Variants in HTR4 observed in about 807,000 individuals in gnomAD.
The protein encoded by HTR4 is 5-hydroxytryptamine (serotonin) receptor 4, G protein-coupled.
HTR4 carries 16 observed loss-of-function variants against 36.8 expected under a neutral mutation model. The observed-to-expected ratio is 0.43, with a 90% confidence interval of 0.29 to 0.66. The LOEUF is 0.66. Among genes scored for constraint, HTR4 ranks in the 30% least tolerant of loss-of-function variants. The pLI is 0.13. For synonymous variants in HTR4, 189 were observed against 185.1 expected (o/e 1.02, Z -0.17); for missense variants, 438 against 490.9 (o/e 0.89, Z 1.02).
Position 148,509,833 on chromosome 5 carries a change from T to C in HTR4, c.699A>G (p.Gly233=), listed in dbSNP as rs1302633332. ...AHQIQMLQRA[G]ASSESRPQSA... ...ACTGAGGCCTGCTCTCGGAGGAGGC[T>C]CCTGCCCGTTGTAACATCTGGATCT... Residue 233 remains glycine (G), a synonymous_variant, in exon 6 of 7, where the codon GGA becomes GGG. Transcript: ENST00000377888. 1.2e-6 allele frequency: 2 copies of C among 1,613,960 alleles called. No individual in the cohort carries two copies. The highest frequency in any genetic ancestry group is 3.3e-5 in the Admixed American group (2 of 59,986).
chr5:148,515,006 TTAAA>T (rs1757672732), intron 5 of HTR4, among the ~76,000 whole-genome samples: 1 of 152,132 alleles, frequency 6.6e-6, no homozygotes, highest in South Asian at 2.1e-4. Context: ...CATCTATTCT[TTAAA>T]TAATTTAATA....
At chr5:148,646,366 T>A (rs1473307028) in intron 1 of HTR4, 1 of 152,258 alleles carries the variant, frequency 6.6e-6, no homozygotes, top group African/African-American at 2.4e-5. Flanking sequence ...CTGTCCTCAC[T>A]CTGTGCTATT....
chr5:148,486,682 TG>T (rs1350231649), intron 6 of HTR4, among the ~76,000 whole-genome samples: 1 of 152,226 alleles, frequency 6.6e-6, no homozygotes, highest in Non-Finnish European at 1.5e-5. Context: ...TGTGGGTAAT[TG>T]CTTCAAATCT....
At chr5:148,565,588 T>A (rs976062803) in intron 2 of HTR4, among the ~76,000 whole-genome samples, 2 of 1,540 alleles carry the variant, frequency 1.3e-3, no homozygotes, top group Non-Finnish European at 1.8e-3. Flanking sequence ...GTATCCAGTA[T>A]CTTGATGGGC....
At chr5:148,607,768 C>T (rs977892124) in intron 2 of HTR4, among the ~76,000 whole-genome samples, 2 of 152,046 alleles carry the variant, frequency 1.3e-5, no homozygotes, top group Non-Finnish European at 2.9e-5. Flanking sequence ...TCTGTCTGTC[C>T]CACTGGATTT....
chr5:148,500,187 GA>G (rs1581386176), intron 6 of HTR4, among the ~76,000 whole-genome samples: 1 of 152,168 alleles, frequency 6.6e-6, no homozygotes, highest in African/African-American at 2.4e-5. Context: ...GGTTGTCAAG[GA>G]AGCAAATTGG....
intron 2 of HTR4, among the ~76,000 whole-genome samples, chr5:148,627,945 C>T (rs1018186688): frequency 1.3e-5 from 2 of 152,212 alleles, no homozygotes; most frequent in African/African-American, 4.8e-5. Context: ...CCTCCAGGGC[C>T]AGGCAGGCAG....
chr5:148,639,130 G>GATGCCAC (rs1753645963), intron 1 of HTR4, among the ~76,000 whole-genome samples: 1 of 152,080 alleles, frequency 6.6e-6, no homozygotes, highest in Non-Finnish European at 1.5e-5. Context: ...TCTGGACCCA[G>GATGCCAC]CATCTGGGTC....
intron 4 of HTR4, among the ~76,000 whole-genome samples, chr5:148,528,014 T>C (rs1758365802): frequency 6.6e-6 from 1 of 152,186 alleles, no homozygotes; most frequent in Admixed American, 6.5e-5. Flanking sequence ...TAAGGTGGAA[T>C]ACATCCAAAC....
chr5:148,509,806 C>T lies in HTR4; in HGVS notation c.726G>A (p.Ser242=), dbSNP rs199937786. 5.4e-5 allele frequency: 87 copies of T among 1,613,894 alleles called. No homozygotes were observed. Among genetic ancestry groups the T allele is most frequent in the Admixed American group, 8.3e-5 (5 of 59,982 alleles). The change falls in exon 6 of 7, where the codon TCG becomes TCA. Residue 242 remains serine (S), a synonymous_variant. Transcript: ENST00000377888. The stretch of plus-strand genomic sequence containing the variant: ...TGCGATGAGTGCTATGCTGGTCTGC[C>T]GACTGAGGCCTGCTCTCGGAGGAGG... ...AGASSESRPQ[S]ADQHSTHRMR...
At chr5:148,600,388 A>G (rs1011813716) in intron 2 of HTR4, among the ~76,000 whole-genome samples, 21 of 149,362 alleles carry the variant, frequency 1.4e-4, no homozygotes, top group African/African-American at 5.1e-4. Flanking sequence ...AATCAGCACC[A>G]GTCACTAAAG....
intron 6 of HTR4, among the ~76,000 whole-genome samples, chr5:148,506,261 C>G (rs1343644944): frequency 2.0e-5 from 3 of 152,124 alleles, no homozygotes; most frequent in East Asian, 1.9e-4. Context: ...CTGACAAAAA[C>G]AAGAAATGCG....
At chr5:148,502,865 A>T (rs552884092) in intron 6 of HTR4, among the ~76,000 whole-genome samples, 159 of 152,346 alleles carry the variant, frequency 1.0e-3, no homozygotes, top group Non-Finnish European at 2.1e-3. Flanking sequence ...TCAGTAGCCG[A>T]TTCGATCAAC....
intron 2 of HTR4, among the ~76,000 whole-genome samples, chr5:148,592,056 G>A (rs754928781): frequency 1.3e-5 from 2 of 152,142 alleles, no homozygotes; most frequent in Non-Finnish European, 2.9e-5. Context: ...GTGCAGCCAC[G>A]TAAAAGAATG....
intron 2 of HTR4, among the ~76,000 whole-genome samples, chr5:148,588,527 C>CTTTTTTTTTTTT (rs35749777): frequency 1.8e-5 from 2 of 110,138 alleles, no homozygotes; most frequent in Non-Finnish European, 3.5e-5. Context: ...GGTTTTAATT[C>CTTTTTTTTTTTT]TTTTTTTTTT....
chr5:148,568,964 T>C (rs1321625321), intron 2 of HTR4, among the ~76,000 whole-genome samples: 4 of 152,052 alleles, frequency 2.6e-5, no homozygotes, highest in East Asian at 1.9e-4. Context: ...AAAAATACTA[T>C]GCAGGTGTTA....
At chr5:148,458,775 CTAAGGA>C in intron 5 of HTR4, among the ~76,000 whole-genome samples, 1 of 152,182 alleles carries the variant, frequency 6.6e-6, no homozygotes, top group East Asian at 1.9e-4. Context: ...ACCCACCACA[CTAAGGA>C]CTGTTGTCCT....
intron 2 of HTR4, among the ~76,000 whole-genome samples, chr5:148,554,090 T>TTGTTG (rs2113855532): frequency 6.6e-6 from 1 of 152,178 alleles, no homozygotes; most frequent in East Asian, 1.9e-4. Context: ...TGTTGTTGTT[T>TTGTTG]TTGAGATGGA....
intron 4 of HTR4, among the ~76,000 whole-genome samples, chr5:148,536,762 A>G (rs1758843457): frequency 6.6e-6 from 1 of 152,210 alleles, no homozygotes; most frequent in Admixed American, 6.5e-5. Flanking sequence ...ACCTACAAAG[A>G]GACAACAATG....
Sources: gnomAD v4.1 joint callset for allele counts (sites outside exome capture counted in the v4.1 genomes callset) on GRCh38, gnomAD v4.1.1 for gene constraint, MANE v1.5 for transcripts, NCBI Gene and HGNC (gene_info 2026-07-23, HGNC 2026-07-21) for gene names.